Variants in MAD1L1 observed in about 807,000 individuals in gnomAD.
MAD1L1 encodes mitotic arrest deficient 1 like 1.
A neutral mutation model predicts 96.9 loss-of-function variants in MAD1L1; 95 were observed. The ratio of observed to expected loss-of-function variants is 0.98; its 90% CI spans 0.83 to 1.16. The LOEUF (loss-of-function observed/expected upper bound fraction) is 1.16, where lower values mean the gene tolerates loss of function less well. Ranked by LOEUF, MAD1L1 falls within the 50% of genes most tolerant of loss-of-function variation. MAD1L1 has a pLI of 0.00. For synonymous variants in MAD1L1, 473 were observed against 396.6 expected (o/e 1.19, Z -2.29); for missense variants, 1,007 against 954.4 (o/e 1.06, Z -0.73).
rs764064247 is a variant in MAD1L1, at chr7:1,898,112, G to A, written c.1998+88C>T. ...CACCATCCCCTTTGGACGCGAGGCTGCTCCTTTGCTGAGGGCTACGGTCGG... is the reference window on the plus strand; with the variant it reads ...CACCATCCCCTTTGGACGCGAGGCTACTCCTTTGCTGAGGGCTACGGTCGG... On this transcript the variant is annotated intron_variant, in intron 18 of 18. Coordinates refer to ENST00000265854, the MANE Select transcript of MAD1L1 (RefSeq NM_001013836.2). 141 of 1,375,926 alleles carry A rather than the reference G, an allele frequency of 1.0e-4. No homozygotes were observed. The Middle Eastern group carries it at 1.9e-3, about 19-fold the overall frequency. 85.2% of individuals were successfully genotyped at this position (1,375,926 alleles called of 1,614,324 possible). A position where few individuals can be genotyped will look rare whatever the true frequency, so the allele number is the denominator to read the frequency against.
intron 17 of MAD1L1, among the ~76,000 whole-genome samples, chr7:1,909,129 G>A (rs1396021618): frequency 4.6e-5 from 7 of 152,220 alleles, no homozygotes; most frequent in Admixed American, 2.6e-4. Context: ...CGACACCGGC[G>A]TGGTGTACTA....
At chr7:2,109,708 A>T (rs1217976772) in intron 11 of MAD1L1, 2 of 152,252 alleles carry the variant, frequency 1.3e-5, no homozygotes, top group African/African-American at 4.8e-5. Flanking sequence ...CATTATATTT[A>T]GAAACCTCTA....
Position 1,955,113 on chromosome 7 carries a change from C to A in MAD1L1, c.1596+2516G>T, listed in dbSNP as rs142634594. 2.6e-5 allele frequency among the ~76,000 whole-genome samples: 4 copies of A among 152,344 alleles called. No individual in the cohort carries two copies. In the East Asian group the frequency reaches 5.8e-4, roughly 22 times the overall value. On this transcript the variant is annotated intron_variant, in intron 16 of 18. Transcript: ENST00000265854. ...GGGTAACTGAAATTCTCTTTCCTCG[C>A]CAACCAGCTGTGAACTAATTACAAA...
At chr7:2,135,115 C>T (rs1053586667) in intron 11 of MAD1L1, among the ~76,000 whole-genome samples, 4 of 152,228 alleles carry the variant, frequency 2.6e-5, no homozygotes, top group African/African-American at 2.4e-5. Context: ...AGACTAGCCA[C>T]GAAAGGTGTG....
chr7:2,218,967 G>A (rs996853460), intron 6 of MAD1L1, among the ~76,000 whole-genome samples: 14 of 152,136 alleles, frequency 9.2e-5, no homozygotes, highest in African/African-American at 3.4e-4. Context: ...GGCTAAGGCA[G>A]GAGGATCACT....
At chr7:1,847,967 C>G (rs1684357048) in intron 18 of MAD1L1, 1 of 350,676 alleles carries the variant, frequency 2.9e-6, no homozygotes, top group African/African-American at 2.1e-5. Context: ...AGATGCAAGC[C>G]AGTCTCAGCC....
chr7:2,177,603 A>G (rs1191970415), intron 10 of MAD1L1, among the ~76,000 whole-genome samples: 1 of 152,220 alleles, frequency 6.6e-6, no homozygotes, highest in Non-Finnish European at 1.5e-5. Context: ...TGCCACAGAA[A>G]CAACCCAATT....
chr7:1,874,837 G>A (rs1037331025), intron 18 of MAD1L1, among the ~76,000 whole-genome samples: 51 of 152,036 alleles, frequency 3.4e-4, no homozygotes, highest in Non-Finnish European at 6.3e-4. Context: ...TAGGGAGGAG[G>A]GGAAGGCAGG....
At position 2,216,221 on chromosome 7, in the gene MAD1L1, G is replaced by A; in HGVS notation, c.745C>T (p.Leu249=). The A allele has an allele frequency of 6.2e-7, 1 of 1,614,122 alleles. No individual in the cohort carries two copies. Among genetic ancestry groups the A allele is most frequent in the African/African-American group, 1.3e-5 (1 of 75,052 alleles). The change falls in exon 8 of 19, where the codon CTG becomes TTG. Residue 249 remains leucine, a synonymous_variant. Transcript: ENST00000265854. The part of the protein sequence containing the change: ...AAIVKNMKSE[L]VRLPRLEREL... The stretch of plus-strand genomic sequence containing the variant: ...CGTTCCAGCCTAGGGAGCCGTACCA[G>A]CTCAGACTTCATGTTCTTCACAATC...
chr7:1,983,984 C>G (rs1781038519), intron 14 of MAD1L1, among the ~76,000 whole-genome samples: 2 of 152,148 alleles, frequency 1.3e-5, no homozygotes, highest in South Asian at 4.1e-4. Context: ...GGTTTACTTT[C>G]CTTTTGTTCT....
rs368557045 is a variant in MAD1L1 at position 1,822,142 on chromosome 7, A to G, written c.1999-5914T>C. ...GAAGGTTGCAGGAAATAAGATGAACATACAAAAATTAACCACATTTCTATA... is the reference window on the plus strand; with the variant it reads ...GAAGGTTGCAGGAAATAAGATGAACGTACAAAAATTAACCACATTTCTATA... On this transcript the variant is annotated intron_variant, in intron 18 of 18. Transcript: ENST00000265854. 2.3e-4 allele frequency among the ~76,000 whole-genome samples: 35 copies of G among 152,062 alleles called. 1 individual carries two copies. The East Asian group carries it at 4.3e-3, about 19-fold the overall frequency.
At chr7:2,158,499 C>A (rs978970399) in intron 10 of MAD1L1, among the ~76,000 whole-genome samples, 1 of 152,238 alleles carries the variant, frequency 6.6e-6, no homozygotes, top group Admixed American at 6.5e-5. Context: ...CAGCCAGAGC[C>A]CTGCGGAAGG....
intron 12 of MAD1L1, among the ~76,000 whole-genome samples, chr7:2,040,769 G>C (rs1231375463): frequency 6.6e-6 from 1 of 152,148 alleles, no homozygotes; most frequent in Non-Finnish European, 1.5e-5. Flanking sequence ...TCCCGCAGAG[G>C]CTCACTATGC....
At position 2,091,763 on chromosome 7, in the gene MAD1L1, G is replaced by A. The variant is rs143823218; in HGVS notation, c.1074-22425C>T. On this transcript the variant is annotated intron_variant, in intron 11 of 18. Transcript: ENST00000265854. ...TGCACTACAGCCTGGGCGACAGAGC[G>A]AGACTCCATCTCAAAAAAAAAAAAA... is the stretch of plus-strand genomic sequence containing the variant. 8.9e-3 allele frequency among the ~76,000 whole-genome samples: 1,298 copies of A among 146,524 alleles called. 15 individuals carry two copies. Among genetic ancestry groups the A allele is most frequent in the African/African-American group, 0.025 (1,001 of 40,022 alleles).
At chr7:1,948,915 G>T (rs867515461) in intron 16 of MAD1L1, among the ~76,000 whole-genome samples, 1 of 152,202 alleles carries the variant, frequency 6.6e-6, no homozygotes, top group African/African-American at 2.4e-5. Context: ...GAACAGAGAC[G>T]AGATGCATAG....
intron 10 of MAD1L1, among the ~76,000 whole-genome samples, chr7:2,155,456 A>G (rs1175358582): frequency 6.6e-6 from 1 of 152,194 alleles, no homozygotes; most frequent in East Asian, 1.9e-4. Flanking sequence ...CTGTCGCATT[A>G]AAGAGGAACT....
intron 12 of MAD1L1, among the ~76,000 whole-genome samples, chr7:2,040,713 C>G (rs1783635805): frequency 6.6e-6 from 1 of 152,204 alleles, no homozygotes; most frequent in Non-Finnish European, 1.5e-5. Flanking sequence ...GAAACCTGGG[C>G]AGCTCCCCGC....
At chr7:1,827,837 G>A (rs1317124379) in intron 18 of MAD1L1, among the ~76,000 whole-genome samples, 1 of 150,480 alleles carries the variant, frequency 6.6e-6, no homozygotes. Context: ...GGGCTAGACA[G>A]CACCACCCTT....
intron 18 of MAD1L1, chr7:1,849,991 A>C (rs1418732773): frequency 6.6e-6 from 1 of 152,244 alleles, no homozygotes; most frequent in African/African-American, 2.4e-5. Context: ...CCTCCAAGGA[A>C]GAAACAGCCC....
Sources: gnomAD v4.1 joint callset for allele counts (sites outside exome capture counted in the v4.1 genomes callset) on GRCh38, gnomAD v4.1.1 for gene constraint, MANE v1.5 for transcripts, NCBI Gene and HGNC (gene_info 2026-07-23, HGNC 2026-07-21) for gene names.